Variants in RPS6KB1 observed in about 807,000 individuals in gnomAD.
The protein encoded by RPS6KB1 is ribosomal protein S6 kinase B1.
Under a neutral mutation model 70.2 loss-of-function variants are expected in RPS6KB1, and 12 were observed. That is an observed-to-expected ratio of 0.17 (90% CI 0.11 to 0.28). RPS6KB1 has a LOEUF of 0.28. Among genes scored for constraint, RPS6KB1 ranks in the 10% least tolerant of loss-of-function variants. RPS6KB1 has a pLI of 1.00. For synonymous variants in RPS6KB1, 175 were observed against 211.2 expected (o/e 0.83, Z 1.49); for missense variants, 270 against 646.6 (o/e 0.42, Z 6.32).
At chr17:59,914,789 TA>T in intron 4 of RPS6KB1, 86 bp downstream of exon 4, 2 of 1,041,366 alleles carry the variant, frequency 1.9e-6, no homozygotes, top group South Asian at 2.8e-5. Flanking sequence ...AATCATATCA[TA>T]TTTTTAATTG....
chr17:59,936,554 G>T lies in RPS6KB1; in HGVS notation c.1119+13G>T, dbSNP rs368315895. 1.3e-6 allele frequency: 2 copies of T among 1,596,994 alleles called. No individual in the cohort carries two copies. Among genetic ancestry groups the T allele is most frequent in the African/African-American group, 2.7e-5 (2 of 74,566 alleles). On this transcript the variant is annotated intron_variant, in intron 12 of 14. Coordinates refer to ENST00000225577, the MANE Select transcript of RPS6KB1 (RefSeq NM_003161.4). ...TAAACCTCTGTTGGTAAGTATACAT[G>T]AAAGTGTATAATTGGGTGCAGTGGC... is the stretch of plus-strand genomic sequence containing the variant.
intron 5 of RPS6KB1, among the ~76,000 whole-genome samples, chr17:59,928,931 T>TAATG (rs1159189961): frequency 6.6e-6 from 1 of 152,204 alleles, no homozygotes; most frequent in Admixed American, 6.5e-5. Flanking sequence ...GTGTCCTCCT[T>TAATG]AATGCATCAG....
intron 1 of RPS6KB1, among the ~76,000 whole-genome samples, chr17:59,905,734 G>C (rs1461111318): frequency 2.0e-5 from 3 of 152,034 alleles, no homozygotes; most frequent in African/African-American, 7.2e-5. Context: ...TTGAACTCCT[G>C]ACCTCAGGTC....
At chr17:59,916,285 G>T (rs761243338) in intron 4 of RPS6KB1, among the ~76,000 whole-genome samples, 1 of 151,496 alleles carries the variant, frequency 6.6e-6, no homozygotes, top group Non-Finnish European at 1.5e-5. Context: ...ATTTTTAGTA[G>T]AGATGCGGTT....
chr17:59,929,400 A>G (rs2043811311), intron 5 of RPS6KB1, among the ~76,000 whole-genome samples: 1 of 152,220 alleles, frequency 6.6e-6, no homozygotes, highest in Admixed American at 6.5e-5. Flanking sequence ...CGCCCAGCCC[A>G]CATTCAGTTT....
intron 1 of RPS6KB1, 55 bp from the exon 2 acceptor site, chr17:59,910,507 C>T: frequency 1.8e-6 from 2 of 1,121,134 alleles, no homozygotes; most frequent in Non-Finnish European, 1.3e-6. Flanking sequence ...AAGAATTAAA[C>T]CTTTAAATTT....
rs899857358 is a variant in RPS6KB1, at chr17:59,950,429, G to A, written c.*3641G>A. The A allele has an allele frequency of 6.6e-6, 1 of 152,548 alleles. No homozygotes were observed. Among genetic ancestry groups the A allele is most frequent in the Non-Finnish European group, 1.5e-5 (1 of 67,978 alleles). The allele number at this position is 152,548 out of a possible 1,614,324, so 9.4% of individuals were successfully genotyped here. ...ATGCAAATTTGAATGAACATAAATA[G>A]AAGTGATTTATTTTTTTATTATCTT... On this transcript the variant is annotated 3_prime_UTR_variant, in exon 15 of 15. Coordinates refer to ENST00000225577, the MANE Select transcript of RPS6KB1 (RefSeq NM_003161.4).
chr17:59,898,596 G>A (rs964382403), intron 1 of RPS6KB1, among the ~76,000 whole-genome samples: 2 of 151,844 alleles, frequency 1.3e-5, no homozygotes, highest in African/African-American at 4.8e-5. Flanking sequence ...TGGGATTACA[G>A]GTGCCGACTA....
At chr17:59,909,302 C>A (rs1359710908) in intron 1 of RPS6KB1, among the ~76,000 whole-genome samples, 1 of 106,780 alleles carries the variant, frequency 9.4e-6, no homozygotes. Flanking sequence ...GAGTCTTGCT[C>A]TGTTGCCCAG....
intron 1 of RPS6KB1, among the ~76,000 whole-genome samples, chr17:59,900,632 G>A (rs2041877970): frequency 6.6e-6 from 1 of 152,048 alleles, no homozygotes; most frequent in Admixed American, 6.6e-5. Flanking sequence ...CCAAAGTGCT[G>A]GGATTACAGG....
At chr17:59,912,218 TG>T in intron 2 of RPS6KB1, 1 of 214,940 alleles carries the variant, frequency 4.7e-6, no homozygotes, top group Non-Finnish European at 9.9e-6. Flanking sequence ...GCAGCTGTAT[TG>T]GAGTCACCCA....
rs748670403 is a variant in RPS6KB1, at chr17:59,914,992, CT to C, written c.381+303del. The stretch of plus-strand genomic sequence containing the variant: ...AGAAAAAATGTATTTATTTTCTTTT[CT>C]TTTTTTTTTTTTTGAGACGTAGTCG... On this transcript the variant is annotated intron_variant, in intron 4 of 14. Coordinates refer to ENST00000225577, the MANE Select transcript of RPS6KB1 (RefSeq NM_003161.4). Among the ~76,000 whole-genome samples, 382 of 142,844 alleles carry C rather than the reference CT, an allele frequency of 2.7e-3. 2 individuals carry two copies. The highest frequency in any genetic ancestry group is 5.5e-3 in the African/African-American group (217 of 39,332). 93.7% of individuals were successfully genotyped at this position (142,844 alleles called of 152,430 possible).
chr17:59,938,696 AGTTT>A (rs977399555), intron 12 of RPS6KB1, among the ~76,000 whole-genome samples: 8 of 100,580 alleles, frequency 8.0e-5, no homozygotes, highest in Admixed American at 1.1e-4. Flanking sequence ...CATAATGTGT[AGTTT>A]GTGTGTGTGT....
chr17:59,926,652 A>G (rs948254762), intron 5 of RPS6KB1, 70 bp downstream of exon 5: 31 of 1,264,930 alleles, frequency 2.5e-5, no homozygotes, highest in African/African-American at 7.5e-5. Flanking sequence ...TTATTTTTCA[A>G]TGGAAGAATA....
intron 5 of RPS6KB1, among the ~76,000 whole-genome samples, 159 bp from the exon 6 acceptor site, chr17:59,929,958 A>T (rs951190799): frequency 3.3e-5 from 5 of 152,192 alleles, no homozygotes; most frequent in African/African-American, 1.2e-4. Context: ...AATCCTGAGG[A>T]CTTAGTTTTA....
rs183272426 is a variant in RPS6KB1, at chr17:59,946,310, T to C, written c.1341-241T>C. Among the ~76,000 whole-genome samples, 11 of 152,262 alleles carry C rather than the reference T, an allele frequency of 7.2e-5. No individual in the cohort carries two copies. The East Asian group carries it at 1.9e-3, about 27-fold the overall frequency. ...TATATAATACGCATTTAAATGTATA[T>C]ATATCTCATTGAGGGTTTTGGGGGT... On this transcript the variant is annotated intron_variant, in intron 14 of 14. Coordinates refer to ENST00000225577, the MANE Select transcript of RPS6KB1 (RefSeq NM_003161.4). This position sits in a 1 kb window ranked among gnomAD's most constrained non-coding sequence, Gnocchi z 4.2.
chr17:59,945,011 A>G (rs777028651), intron 13 of RPS6KB1, among the ~76,000 whole-genome samples: 3 of 152,054 alleles, frequency 2.0e-5, no homozygotes, highest in Non-Finnish European at 4.4e-5. Context: ...CACATTGGCC[A>G]GGCTGGTCTT....
rs187556196 is a variant in RPS6KB1 at position 59,946,390 on chromosome 17, G to A, written c.1341-161G>A. On this transcript the variant is annotated intron_variant, in intron 14 of 14. Transcript: ENST00000225577. This position sits in a 1 kb window ranked among gnomAD's most constrained non-coding sequence, Gnocchi z 4.2. Reference sequence around the variant, plus strand: ...AAATTCTAGCAGTTAATCTAGGTGGGGGAGAGATGGTTCAATTTTTGCCTT... The same window carrying A: ...AAATTCTAGCAGTTAATCTAGGTGGAGGAGAGATGGTTCAATTTTTGCCTT... Among the ~76,000 whole-genome samples the A allele has an allele frequency of 2.0e-5, 3 of 152,098 alleles. No individual in the cohort carries two copies. Among genetic ancestry groups the A allele is most frequent in the African/African-American group, 7.2e-5 (3 of 41,468 alleles).
chr17:59,907,718 T>G (rs2042355605), intron 1 of RPS6KB1, among the ~76,000 whole-genome samples: 1 of 151,984 alleles, frequency 6.6e-6, no homozygotes, highest in Non-Finnish European at 1.5e-5. Context: ...TTTAAAAATT[T>G]TTTTGTGGAG....
Sources: gnomAD v4.1 joint callset for allele counts (sites outside exome capture counted in the v4.1 genomes callset) on GRCh38, gnomAD v4.1.1 for gene constraint, Gnocchi (gnomAD v3.1) non-coding constraint, MANE v1.5 for transcripts, NCBI Gene and HGNC (gene_info 2026-07-23, HGNC 2026-07-21) for gene names.